The following KCNH8 variants were observed in gnomAD, a reference collection of about 807,000 sequenced individuals.
The protein encoded by KCNH8 is voltage-gated delayed rectifier potassium channel KCNH8.
KCNH8 carries 70 observed loss-of-function variants against 103.6 expected under a neutral mutation model. That is an observed-to-expected ratio of 0.68 (90% confidence interval 0.56 to 0.82). KCNH8 has a LOEUF of 0.82. Ranked by LOEUF, KCNH8 falls within the 40% of genes least tolerant of loss-of-function variation. The probability of loss-of-function intolerance (pLI) is 0.00; values close to 1 mark genes in which losing one functional copy is unlikely to be tolerated. For missense variants in KCNH8, 1,217 were observed against 1,329.9 expected (o/e 0.92, Z 1.32); for synonymous variants, 498 against 489.4 (o/e 1.02, Z -0.23).
intron 3 of KCNH8, among the ~76,000 whole-genome samples, chr3:19,316,138 G>A (rs2065270564): frequency 6.6e-6 from 1 of 151,946 alleles, no homozygotes; most frequent in African/African-American, 2.4e-5. Flanking sequence ...TTATGGAAAG[G>A]TTTTTAAGTT....
chr3:19,513,085 CA>C lies in KCNH8; in HGVS notation c.2197del (p.Arg733GlyfsTer19). 2 of 1,613,788 alleles carry C rather than the reference CA, an allele frequency of 1.2e-6. No homozygotes were observed. The highest frequency in any genetic ancestry group is 1.7e-6 in the Non-Finnish European group (2 of 1,179,910). ...EEAVSLSPIC[T>X]RGSSSRNKKV... Reference sequence around the variant, plus strand: ...GCAGTCTCCCTCTCTCCCATCTGCACAAGGGGATCTTCTTCGCGCAACAAGA... The same window carrying C: ...GCAGTCTCCCTCTCTCCCATCTGCACAGGGGATCTTCTTCGCGCAACAAGA... On this transcript the variant is annotated frameshift_variant, in exon 13 of 16. Coordinates refer to ENST00000328405, the MANE Select transcript of KCNH8 (RefSeq NM_144633.3). LOFTEE classifies it high-confidence loss of function.
chr3:19,437,293 AAAGAATT>A (rs1397333868), intron 7 of KCNH8, among the ~76,000 whole-genome samples: 1 of 152,180 alleles, frequency 6.6e-6, no homozygotes, highest in African/African-American at 2.4e-5. Context: ...TATTTTCAAT[AAAGAATT>A]TTAAAGTGAT....
chr3:19,292,331 C>T lies in KCNH8; in HGVS notation c.442+11002C>T, dbSNP rs146588569. On this transcript the variant is annotated intron_variant, in intron 3 of 15. Transcript: ENST00000328405. ...AGGGGTTGATGTGTGAAGCTTTTCACATTATCTTTAGTGGTAATACAAATC... is the reference window on the plus strand; with the variant it reads ...AGGGGTTGATGTGTGAAGCTTTTCATATTATCTTTAGTGGTAATACAAATC... Among the ~76,000 whole-genome samples, 432 of 152,258 alleles carry T rather than the reference C, an allele frequency of 2.8e-3. 6 individuals are homozygous for T. Among genetic ancestry groups the T allele is most frequent in the African/African-American group, 9.6e-3 (400 of 41,554 alleles).
At chr3:19,212,728 C>T (rs1339446329) in intron 1 of KCNH8, among the ~76,000 whole-genome samples, 1 of 152,082 alleles carries the variant, frequency 6.6e-6, no homozygotes, top group Non-Finnish European at 1.5e-5. Context: ...TCAGGAACTA[C>T]CTGGAAAGGA....
chr3:19,170,789 C>CAT lies in KCNH8; in HGVS notation c.76+22015_76+22016dup, dbSNP rs35694087. Among the ~76,000 whole-genome samples the CAT allele has an allele frequency of 9.4e-3, 1,017 of 107,948 alleles. 11 individuals carry two copies. Among genetic ancestry groups the CAT allele is most frequent in the Non-Finnish European group, 0.012 (670 of 57,196 alleles). The allele number at this position is 107,948 out of a possible 152,430, so 70.8% of individuals were successfully genotyped here. A position where few individuals can be genotyped will look rare whatever the true frequency, so the allele number is the denominator to read the frequency against. On this transcript the variant is annotated intron_variant, in intron 1 of 15. Transcript: ENST00000328405. ...ACATATATATACACACACACACACA[C>CAT]ATATATATATATATATATATATTTT...
At chr3:19,297,066 A>G (rs2065005732) in intron 3 of KCNH8, among the ~76,000 whole-genome samples, 2 of 152,188 alleles carry the variant, frequency 1.3e-5, no homozygotes, top group Non-Finnish European at 2.9e-5. Context: ...AGAGTACAGT[A>G]TGAGATAGAC....
At chr3:19,329,580 G>C (rs1002780871) in intron 3 of KCNH8, among the ~76,000 whole-genome samples, 1 of 151,966 alleles carries the variant, frequency 6.6e-6, no homozygotes, top group Non-Finnish European at 1.5e-5. Flanking sequence ...TCTCTAGAAG[G>C]GAACGTCTTT....
At chr3:19,355,969 G>T (rs917852362) in intron 5 of KCNH8, among the ~76,000 whole-genome samples, 8 of 149,578 alleles carry the variant, frequency 5.3e-5, no homozygotes, top group African/African-American at 2.0e-4. Context: ...TATTTCTGGA[G>T]TAGTAGTATT....
chr3:19,186,919 T>C (rs2063507942), intron 1 of KCNH8, among the ~76,000 whole-genome samples: 1 of 152,054 alleles, frequency 6.6e-6, no homozygotes, highest in African/African-American at 2.4e-5. Context: ...AGATAGTAAA[T>C]ATTTTAGGTT....
chr3:19,329,870 C>T (rs2065480930), intron 3 of KCNH8, among the ~76,000 whole-genome samples: 1 of 151,900 alleles, frequency 6.6e-6, no homozygotes, highest in Non-Finnish European at 1.5e-5. Flanking sequence ...CAGTCCCTGT[C>T]CCCCGTCCAG....
intron 1 of KCNH8, among the ~76,000 whole-genome samples, chr3:19,227,309 T>G (rs2063943163): frequency 6.6e-6 from 1 of 152,224 alleles, no homozygotes; most frequent in South Asian, 2.1e-4. Flanking sequence ...GTACATCTAA[T>G]GAGCCAGTAT....
At chr3:19,343,531 A>G (rs1356881992) in intron 4 of KCNH8, among the ~76,000 whole-genome samples, 1 of 152,084 alleles carries the variant, frequency 6.6e-6, no homozygotes, top group Non-Finnish European at 1.5e-5. Context: ...AATCATCAGA[A>G]CATGTATGGG....
In KCNH8 at chr3:19,488,071, C is replaced by T. The variant is rs886609501; in HGVS notation, c.2041-22292C>T. Among the ~76,000 whole-genome samples, 5 of 152,322 alleles carry T rather than the reference C, an allele frequency of 3.3e-5. No homozygotes were observed. In the South Asian group the frequency reaches 6.2e-4, roughly 19 times the overall value. ...CAGGCTCCTTGGGGGCGCTTCAGCCCAGTCCCCTTCAGTCTAATAGCCCTT... is the reference window on the plus strand; with the variant it reads ...CAGGCTCCTTGGGGGCGCTTCAGCCTAGTCCCCTTCAGTCTAATAGCCCTT... On this transcript the variant is annotated intron_variant, in intron 11 of 15. Coordinates refer to ENST00000328405, the MANE Select transcript of KCNH8 (RefSeq NM_144633.3).
chr3:19,263,616 T>C (rs996560459), intron 2 of KCNH8, among the ~76,000 whole-genome samples: 5 of 152,110 alleles, frequency 3.3e-5, no homozygotes, highest in African/African-American at 1.2e-4. Context: ...TCTGGTAGTC[T>C]AGTGTTTCAT....
intron 1 of KCNH8, among the ~76,000 whole-genome samples, chr3:19,179,755 G>A (rs1437482554): frequency 6.6e-6 from 1 of 152,108 alleles, no homozygotes; most frequent in Non-Finnish European, 1.5e-5. Flanking sequence ...CTAGGTAGAG[G>A]AGAAGTGTGT....
At chr3:19,441,575 C>G (rs1407151267) in intron 8 of KCNH8, among the ~76,000 whole-genome samples, 1 of 152,190 alleles carries the variant, frequency 6.6e-6, no homozygotes, top group African/African-American at 2.4e-5. Context: ...ATACTTACTT[C>G]TCTCCTTAAA....
intron 1 of KCNH8, among the ~76,000 whole-genome samples, chr3:19,158,457 G>T (rs373975671): frequency 6.6e-6 from 1 of 151,720 alleles, no homozygotes; most frequent in East Asian, 1.9e-4. Flanking sequence ...ATGACTTTAA[G>T]TATCAGATTT....
intron 7 of KCNH8, among the ~76,000 whole-genome samples, chr3:19,429,713 C>G (rs763093528): frequency 4.6e-5 from 7 of 152,082 alleles, no homozygotes; most frequent in Admixed American, 1.3e-4. Context: ...TTTTTCTGAT[C>G]CTCTCCCTCC....
At chr3:19,505,291 C>T (rs750216522) in intron 11 of KCNH8, among the ~76,000 whole-genome samples, 5 of 151,784 alleles carry the variant, frequency 3.3e-5, no homozygotes, top group Non-Finnish European at 7.4e-5. Context: ...ACAACAGATA[C>T]TGAGACCTAC....
Sources: allele counts gnomAD v4.1 joint callset (sites outside exome capture counted in the v4.1 genomes callset), GRCh38; gene constraint gnomAD v4.1.1; transcripts MANE v1.5; gene names NCBI Gene and HGNC (gene_info 2026-07-23, HGNC 2026-07-21).